CRHR1: variants seen among roughly 807,000 people sequenced by gnomAD.
The protein encoded by CRHR1 is corticotropin-releasing hormone receptor 1.
In CRHR1, 28 loss-of-function variants were observed where a neutral mutation model predicts 56.0. The ratio of observed to expected loss-of-function variants is 0.50; its 90% confidence interval spans 0.37 to 0.69. CRHR1 has a LOEUF of 0.69. CRHR1 is among the 30% of genes least tolerant of loss of function. The pLI, the probability that CRHR1 is intolerant of heterozygous loss-of-function variation, is 0.00. For missense variants in CRHR1, 376 were observed against 548.0 expected, an observed-to-expected ratio of 0.69 and a Z score of 3.13; for synonymous variants, 195 against 216.5, an observed-to-expected ratio of 0.90 and a Z score of 0.87.
chr17:45,796,476 T>A (rs2061519987), intron 1 of CRHR1, among the ~76,000 whole-genome samples: 1 of 152,070 alleles, frequency 6.6e-6, no homozygotes, highest in South Asian at 2.1e-4. Context: ...ATGTGTCTTT[T>A]GGAGGATCCA....
At chr17:45,834,488 A>G (rs2062392386) in intron 12 of CRHR1, 136 bp from the exon 13 acceptor site, 2 of 939,520 alleles carry the variant, frequency 2.1e-6, no homozygotes, top group Non-Finnish European at 3.1e-6. Context: ...TGTGAGTGTC[A>G]TCCCCTACTG....
rs751240597 is a variant in CRHR1 at position 45,834,789 on chromosome 17, C to CA, written c.*28dup. 1.3e-5 allele frequency: 21 copies of CA among 1,613,072 alleles called. No individual in the cohort carries two copies. The highest frequency in any genetic ancestry group is 4.2e-6 in the Non-Finnish European group (5 of 1,179,838). On this transcript the variant is annotated 3_prime_UTR_variant, in exon 13 of 13. Transcript: ENST00000314537. ...AGCTGGCAGGTCATGGAGCAGCCCC[C>CA]AAAGAGCTGTGGCTGGGGGGATGAC...
intron 2 of CRHR1, among the ~76,000 whole-genome samples, chr17:45,816,109 G>A (rs563629365): frequency 3.3e-5 from 5 of 152,112 alleles, no homozygotes; most frequent in African/African-American, 1.2e-4. Flanking sequence ...ACCATGCGAG[G>A]GACCAAGAGA....
At position 45,813,026 on chromosome 17, in the gene CRHR1, G is replaced by A. The variant is rs540508868; in HGVS notation, c.122-3437G>A. Among the ~76,000 whole-genome samples the A allele has an allele frequency of 2.0e-5, 3 of 152,284 alleles. No individual in the cohort carries two copies. The South Asian group carries it at 6.2e-4, about 32-fold the overall frequency. Reference sequence around the variant, plus strand: ...CCCCACTCTCCTCCTCCCTGGACTCGGTGTCCGCAGGACGCAGGATGGCGA... The same window carrying A: ...CCCCACTCTCCTCCTCCCTGGACTCAGTGTCCGCAGGACGCAGGATGGCGA... On this transcript the variant is annotated intron_variant, in intron 2 of 12. Coordinates refer to ENST00000314537, the MANE Select transcript of CRHR1 (RefSeq NM_004382.5).
At chr17:45,809,651 G>A (rs1447946079) in intron 2 of CRHR1, among the ~76,000 whole-genome samples, 4 of 152,248 alleles carry the variant, frequency 2.6e-5, no homozygotes, top group Admixed American at 6.5e-5. Context: ...TACCCAGACC[G>A]ACGGGCACTG....
rs182044177 is a variant in CRHR1, at chr17:45,823,809, G to A, written c.327+2369G>A. 4.1e-3 allele frequency among the ~76,000 whole-genome samples: 621 copies of A among 152,322 alleles called. 4 individuals are homozygous for A. Among genetic ancestry groups the A allele is most frequent in the South Asian group, 6.8e-3 (33 of 4,818 alleles). On this transcript the variant is annotated intron_variant, in intron 4 of 12. Transcript: ENST00000314537. ...TGGCCTCAAGTCACTGAGCTAATGC[G>A]GGGCTCTGCTGTCTCCTTCCGGAAG...
chr17:45,819,526 T>C (rs575730437), intron 3 of CRHR1, among the ~76,000 whole-genome samples: 7 of 148,346 alleles, frequency 4.7e-5, no homozygotes, highest in Middle Eastern at 3.5e-3. Context: ...GAGCAGCCTC[T>C]GGTCCCGGGA....
At position 45,816,517 on chromosome 17, in the gene CRHR1, C is replaced by T. The variant is rs776998696; in HGVS notation, c.176C>T (p.Pro59Leu). ...DLIGTCWPRSPAGQLVVRPCP... is the reference protein window; with the variant it reads ...DLIGTCWPRSLAGQLVVRPCP... Reference sequence around the variant, plus strand: ...ATTGGCACCTGCTGGCCCCGCAGCCCTGCGGGGCAGCTAGTGGTTCGGCCC... The same window carrying T: ...ATTGGCACCTGCTGGCCCCGCAGCCTTGCGGGGCAGCTAGTGGTTCGGCCC... Residue 59 changes from proline (P) to leucine (L), a missense_variant, in exon 3 of 13, where the codon CCT becomes CTT. Transcript: ENST00000314537. 6.2e-7 allele frequency: 1 copy of T among 1,614,156 alleles called. No individual in the cohort carries two copies. Among genetic ancestry groups the T allele is most frequent in the South Asian group, 1.1e-5 (1 of 91,082 alleles).
intron 3 of CRHR1, among the ~76,000 whole-genome samples, chr17:45,820,023 C>T (rs1257753552): frequency 1.3e-5 from 2 of 152,158 alleles, no homozygotes; most frequent in South Asian, 2.1e-4. Context: ...TCATGCAGCA[C>T]GGCAGCAGCT....
intron 1 of CRHR1, among the ~76,000 whole-genome samples, chr17:45,805,726 G>A (rs1200942706): frequency 6.6e-6 from 1 of 152,108 alleles, no homozygotes; most frequent in Non-Finnish European, 1.5e-5. Context: ...GCTCCCCACA[G>A]CCAGAGGGGA....
intron 2 of CRHR1, among the ~76,000 whole-genome samples, chr17:45,814,528 A>G (rs557707484): frequency 6.6e-6 from 1 of 152,340 alleles, no homozygotes; most frequent in South Asian, 2.1e-4. Flanking sequence ...AAATAATCAC[A>G]TTGCCAGATG....
In CRHR1 at chr17:45,821,453, C is replaced by T. The variant is rs369837682; in HGVS notation, c.327+13C>T. On this transcript the variant is annotated intron_variant, in intron 4 of 12. Coordinates refer to ENST00000314537, the MANE Select transcript of CRHR1 (RefSeq NM_004382.5). ...CCTCAATGAGGAGGTGAGGCTGAGCCGAACAAGGCTGCCCATATGGAGGGG... is the reference window on the plus strand; with the variant it reads ...CCTCAATGAGGAGGTGAGGCTGAGCTGAACAAGGCTGCCCATATGGAGGGG... 2.1e-5 allele frequency: 34 copies of T among 1,610,342 alleles called. No individual in the cohort carries two copies. The African/African-American group carries it at 3.6e-4, about 17-fold the overall frequency.
chr17:45,830,136 C>T lies in CRHR1; in HGVS notation c.477C>T (p.Ile159=), dbSNP rs376672238. The change falls in exon 6 of 13, where the codon ATC becomes ATT. Residue 159 remains isoleucine, a synonymous_variant. Coordinates refer to ENST00000314537, the MANE Select transcript of CRHR1 (RefSeq NM_004382.5). ...CLRNIIHWNL[I]SAFILRNATW... ...GAAACATCATCCACTGGAACCTCATCTCCGCCTTCATCCTGCGCAACGCCA... is the reference window on the plus strand; with the variant it reads ...GAAACATCATCCACTGGAACCTCATTTCCGCCTTCATCCTGCGCAACGCCA... 8.7e-6 allele frequency: 14 copies of T among 1,614,012 alleles called. No individual in the cohort carries two copies. In the African/African-American group the frequency reaches 1.5e-4, roughly 17 times the overall value.
Position 45,834,908 on chromosome 17 carries a change from G to A in CRHR1, c.*144G>A. Reference sequence around the variant, plus strand: ...CAGCTGGCACTGACAGCCTGGGGGGGCCGCTCTCCCCCTGCAGCCGTGCAG... The same window carrying A: ...CAGCTGGCACTGACAGCCTGGGGGGACCGCTCTCCCCCTGCAGCCGTGCAG... On this transcript the variant is annotated 3_prime_UTR_variant, in exon 13 of 13. Transcript: ENST00000314537. 3 of 1,123,312 alleles carry A rather than the reference G, an allele frequency of 2.7e-6. No homozygotes were observed. Among genetic ancestry groups the A allele is most frequent in the East Asian group, 2.6e-5 (1 of 38,846 alleles). 69.6% of individuals were successfully genotyped at this position (1,123,312 alleles called of 1,614,324 possible).
intron 2 of CRHR1, among the ~76,000 whole-genome samples, chr17:45,810,410 T>C (rs1333975738): frequency 3.3e-5 from 5 of 152,212 alleles, no homozygotes; most frequent in African/African-American, 4.8e-5. Flanking sequence ...TTTATCCACA[T>C]GTTACAGTAG....
intron 5 of CRHR1, chr17:45,829,604 G>A: frequency 1.3e-6 from 2 of 1,551,030 alleles, no homozygotes; most frequent in Non-Finnish European, 1.7e-6. Flanking sequence ...TGGAGCCCTG[G>A]AGGTGGGGGC....
chr17:45,794,345 C>T (rs570397636), intron 1 of CRHR1, among the ~76,000 whole-genome samples: 1 of 152,356 alleles, frequency 6.6e-6, no homozygotes, highest in East Asian at 1.9e-4. Context: ...GGTAGGTTGG[C>T]AAACTTGACC....
intron 2 of CRHR1, among the ~76,000 whole-genome samples, chr17:45,809,861 A>C (rs2061788526): frequency 6.6e-6 from 1 of 152,262 alleles, no homozygotes. Flanking sequence ...TCATGGCATG[A>C]GTATGACAAT....
rs1453698934 is a variant in CRHR1, at chr17:45,835,677, T to G, written c.*913T>G. 3 of 152,246 alleles carry G rather than the reference T, an allele frequency of 2.0e-5. No homozygotes were observed. The highest frequency in any genetic ancestry group is 7.2e-5 in the African/African-American group (3 of 41,418). 9.4% of individuals were successfully genotyped at this position (152,246 alleles called of 1,614,324 possible). On this transcript the variant is annotated 3_prime_UTR_variant, in exon 13 of 13. Transcript: ENST00000314537. ...TCTTGGGACAACGTGCTGCTTACAC[T>G]CCAGGTGTGGACCGGCCGCAGCCCC... is the stretch of plus-strand genomic sequence containing the variant.
Sources: gnomAD v4.1 joint callset for allele counts (sites outside exome capture counted in the v4.1 genomes callset) on GRCh38, gnomAD v4.1.1 for gene constraint, MANE v1.5 for transcripts, NCBI Gene and HGNC (gene_info 2026-07-23, HGNC 2026-07-21) for gene names.